SLC22A3: variants seen among roughly 807,000 people sequenced by gnomAD.
SLC22A3 encodes EMT organic cation transporter 3.
Under a neutral mutation model 59.1 loss-of-function variants are expected in SLC22A3, and 51 were observed. The observed-to-expected ratio is 0.86, with a 90% CI of 0.69 to 1.09. SLC22A3 has a LOEUF of 1.09. SLC22A3 is among the 50% of genes least tolerant of loss of function. The pLI, the probability that SLC22A3 is intolerant of heterozygous loss-of-function variation, is 0.00. For synonymous variants in SLC22A3, 325 were observed against 292.0 expected (o/e 1.11, Z -1.15); for missense variants, 711 against 726.3 (o/e 0.98, Z 0.24).
In SLC22A3 at chr6:160,398,065, AG is replaced by A; in HGVS notation, c.518del (p.Gly173AlafsTer37). The stretch of plus-strand genomic sequence containing the variant: ...GCTTCCTGACTGGAGCATTCACCTT[AG>A]GCTATGCAGCAGACAGGTAGGTACC... ...LGFLTGAFTL[G>X]YAADRYGRIV... On this transcript the variant is annotated frameshift_variant, in exon 2 of 11. Transcript: ENST00000275300. LOFTEE classifies it high-confidence loss of function. 1 of 1,613,454 alleles carries A rather than the reference AG, an allele frequency of 6.2e-7. No homozygotes were observed. Among genetic ancestry groups the A allele is most frequent in the Non-Finnish European group, 8.5e-7 (1 of 1,179,426 alleles).
At chr6:160,423,906 T>C (rs1787850745) in intron 5 of SLC22A3, among the ~76,000 whole-genome samples, 1 of 152,250 alleles carries the variant, frequency 6.6e-6, no homozygotes, top group South Asian at 2.1e-4. Flanking sequence ...CATGCCTGTG[T>C]CCTGAATGGT....
chr6:160,434,196 A>G (rs1788256142), intron 5 of SLC22A3, among the ~76,000 whole-genome samples: 1 of 152,250 alleles, frequency 6.6e-6, no homozygotes, highest in Non-Finnish European at 1.5e-5. Flanking sequence ...GAATTTAAAG[A>G]TCTTTAAAAT....
intron 5 of SLC22A3, among the ~76,000 whole-genome samples, chr6:160,429,542 G>A (rs971056212): frequency 7.2e-5 from 11 of 152,168 alleles, no homozygotes; most frequent in East Asian, 1.9e-4. Context: ...GGAGTGAGCC[G>A]ATGAGGTGGG....
intron 5 of SLC22A3, among the ~76,000 whole-genome samples, chr6:160,413,078 T>C (rs1246740702): frequency 6.6e-6 from 1 of 152,036 alleles, no homozygotes; most frequent in Non-Finnish European, 1.5e-5. Context: ...GAAAGGAATA[T>C]AGAAAAAACA....
intron 5 of SLC22A3, among the ~76,000 whole-genome samples, chr6:160,425,222 C>A (rs1417967294): frequency 1.3e-5 from 2 of 152,112 alleles, no homozygotes; most frequent in Non-Finnish European, 2.9e-5. Flanking sequence ...AACATTTTTT[C>A]ACATTAAAAA....
At chr6:160,421,156 G>GA (rs1435387065) in intron 5 of SLC22A3, among the ~76,000 whole-genome samples, 2 of 152,198 alleles carry the variant, frequency 1.3e-5, no homozygotes, top group African/African-American at 4.8e-5. Context: ...CCTTCCTAGA[G>GA]ACGGCTGCTG....
chr6:160,390,926 C>T (rs1180039639), intron 1 of SLC22A3, among the ~76,000 whole-genome samples: 1 of 152,156 alleles, frequency 6.6e-6, no homozygotes, highest in African/African-American at 2.4e-5. Flanking sequence ...TTCCATGCCC[C>T]TCTCCTGGCT....
At chr6:160,393,978 C>A (rs1786367763) in intron 1 of SLC22A3, among the ~76,000 whole-genome samples, 1 of 152,202 alleles carries the variant, frequency 6.6e-6, no homozygotes, top group Non-Finnish European at 1.5e-5. Context: ...TACATTACAC[C>A]AACAGTTGTT....
At chr6:160,447,061 G>A (rs1000959917) in intron 9 of SLC22A3, among the ~76,000 whole-genome samples, 2 of 152,338 alleles carry the variant, frequency 1.3e-5, no homozygotes, top group East Asian at 1.9e-4. Context: ...CAAAGAAGTG[G>A]AGAAAATAGG....
rs753422640 is a variant in SLC22A3 at position 160,348,390 on chromosome 6, G to A, written c.-30G>A. 14 of 1,424,544 alleles carry A rather than the reference G, an allele frequency of 9.8e-6. No homozygotes were observed. In the South Asian group the frequency reaches 2.1e-4, roughly 22 times the overall value. 88.2% of individuals were successfully genotyped at this position (1,424,544 alleles called of 1,614,324 possible). A position where few individuals can be genotyped will look rare whatever the true frequency, so the allele number is the denominator to read the frequency against. On this transcript the variant is annotated 5_prime_UTR_variant, in exon 1 of 11. Coordinates refer to ENST00000275300, the MANE Select transcript of SLC22A3 (RefSeq NM_021977.4). ...GGGTCCGCGGGTCACTCCGAGGCGC[G>A]GGCTGCGGGCGGCGGGCGGCGGGCG...
chr6:160,398,834 A>G (rs949925581), intron 2 of SLC22A3, among the ~76,000 whole-genome samples: 4 of 152,310 alleles, frequency 2.6e-5, no homozygotes, highest in African/African-American at 7.2e-5. Context: ...TTGCTGACTC[A>G]TGGCTGTATC....
rs1020454357 is a variant in SLC22A3 at position 160,415,415 on chromosome 6, C to T, written c.975+4569C>T. ...ACAGGTATGACCAGTATAAATTACT[C>T]ATATTTTGTGATTCAAATACATACT... On this transcript the variant is annotated intron_variant, in intron 5 of 10. Coordinates refer to ENST00000275300, the MANE Select transcript of SLC22A3 (RefSeq NM_021977.4). The surrounding 1 kb of genome is among the most constrained non-coding windows in gnomAD (Gnocchi z 4.1). 6.6e-6 allele frequency among the ~76,000 whole-genome samples: 1 copy of T among 152,180 alleles called. No individual in the cohort carries two copies. The highest frequency in any genetic ancestry group is 2.4e-5 in the African/African-American group (1 of 41,448).
intron 5 of SLC22A3, among the ~76,000 whole-genome samples, chr6:160,411,742 T>TA (rs1354578024): frequency 1.3e-5 from 2 of 152,108 alleles, no homozygotes; most frequent in Non-Finnish European, 2.9e-5. Flanking sequence ...ATGCTGTCTC[T>TA]AAAAAAGATT....
intron 2 of SLC22A3, among the ~76,000 whole-genome samples, chr6:160,403,654 G>T (rs1437106861): frequency 4.0e-5 from 6 of 149,620 alleles, no homozygotes; most frequent in Non-Finnish European, 5.9e-5. Context: ...ACAAAAATTT[G>T]CAAGTAGAAT....
At chr6:160,413,268 C>A (rs1421936640) in intron 5 of SLC22A3, among the ~76,000 whole-genome samples, 1 of 152,172 alleles carries the variant, frequency 6.6e-6, no homozygotes, top group Non-Finnish European at 1.5e-5. Context: ...TATTCATGAG[C>A]ACCGTAGAGA....
At chr6:160,428,401 G>A (rs1003878209) in intron 5 of SLC22A3, among the ~76,000 whole-genome samples, 1 of 152,232 alleles carries the variant, frequency 6.6e-6, no homozygotes. Context: ...GACTCGCTCA[G>A]TGCAGCACGG....
intron 2 of SLC22A3, among the ~76,000 whole-genome samples, chr6:160,401,601 T>C (rs920422327): frequency 6.6e-6 from 1 of 151,886 alleles, no homozygotes; most frequent in Non-Finnish European, 1.5e-5. Context: ...AGGAAAGGCA[T>C]TGGAGAGGAA....
intron 2 of SLC22A3, among the ~76,000 whole-genome samples, chr6:160,400,984 G>GAAAAAAAAAAAAAAAAAAA (rs58532600): frequency 1.3e-5 from 1 of 78,520 alleles, no homozygotes; most frequent in Non-Finnish European, 2.3e-5. Flanking sequence ...CTCCAAAACT[G>GAAAAAAAAAAAAAAAAAAA]AAAAAAAAAA....
chr6:160,425,930 A>C, intron 5 of SLC22A3: 1 of 985,456 alleles, frequency 1.0e-6, no homozygotes, highest in Non-Finnish European at 1.2e-6. Context: ...GGAATTCCAG[A>C]GATGGCGTGT....
Sources: allele counts gnomAD v4.1 joint callset (sites outside exome capture counted in the v4.1 genomes callset), GRCh38; gene constraint gnomAD v4.1.1; non-coding constraint Gnocchi (gnomAD v3.1); transcripts MANE v1.5; gene names NCBI Gene and HGNC (gene_info 2026-07-23, HGNC 2026-07-21).